DACH1: variants seen among roughly 807,000 people sequenced by gnomAD.
DACH1 encodes the protein dachshund family transcription factor 1.
In DACH1, 12 loss-of-function variants were observed where a neutral mutation model predicts 54.2. The ratio of observed to expected loss-of-function variants is 0.22; its 90% confidence interval spans 0.14 to 0.36. The LOEUF (loss-of-function observed/expected upper bound fraction) is 0.36, where lower values mean the gene tolerates loss of function less well. DACH1 is among the 10% of genes least tolerant of loss of function. The pLI, the probability that DACH1 is intolerant of heterozygous loss-of-function variation, is 1.00. For synonymous variants in DACH1, 386 were observed against 366.2 expected (o/e 1.05, Z -0.62); for missense variants, 805 against 929.8 (o/e 0.87, Z 1.75).
At chr13:71,475,422 G>A (rs951937907) in intron 9 of DACH1, among the ~76,000 whole-genome samples, 2 of 152,020 alleles carry the variant, frequency 1.3e-5, no homozygotes, top group African/African-American at 4.8e-5. Context: ...GATGGGGTTC[G>A]GAAATTCTCA....
chr13:71,856,992 A>G (rs1874044006), intron 1 of DACH1, among the ~76,000 whole-genome samples: 1 of 151,860 alleles, frequency 6.6e-6, no homozygotes, highest in Non-Finnish European at 1.5e-5. Flanking sequence ...CTGATTCTAA[A>G]GGATATGCTG....
At chr13:71,790,990 G>A (rs1429557865) in intron 1 of DACH1, among the ~76,000 whole-genome samples, 2 of 152,092 alleles carry the variant, frequency 1.3e-5, no homozygotes, top group Non-Finnish European at 2.9e-5. Flanking sequence ...CAAATTATTA[G>A]GTCTTCAAAT....
At chr13:71,758,044 A>T (rs1885241085) in intron 1 of DACH1, among the ~76,000 whole-genome samples, 1 of 152,152 alleles carries the variant, frequency 6.6e-6, no homozygotes, top group Non-Finnish European at 1.5e-5. Flanking sequence ...AACCAATATG[A>T]TAATTTCAAA....
At chr13:71,846,511 A>C (rs1295804978) in intron 1 of DACH1, among the ~76,000 whole-genome samples, 2 of 152,118 alleles carry the variant, frequency 1.3e-5, no homozygotes, top group East Asian at 1.9e-4. Context: ...TCGTGGTGAC[A>C]CACACCTACT....
intron 8 of DACH1, 30 bp from the exon 9 acceptor site, chr13:71,475,879 A>G (rs540499869): frequency 7.0e-7 from 1 of 1,436,786 alleles, no homozygotes. Context: ...TATTATTATT[A>G]TTATTTTTAA....
At chr13:71,571,376 T>C (rs2138411348) in intron 4 of DACH1, among the ~76,000 whole-genome samples, 1 of 152,322 alleles carries the variant, frequency 6.6e-6, no homozygotes. Flanking sequence ...ATCAGAGTGC[T>C]GAATTCTCAA....
chr13:71,583,965 T>A (rs1195482786), intron 3 of DACH1, among the ~76,000 whole-genome samples: 1 of 152,186 alleles, frequency 6.6e-6, no homozygotes, highest in Non-Finnish European at 1.5e-5. Context: ...TCTCAAACTG[T>A]CTTAAATAAT....
chr13:71,654,659 G>A (rs1459127323), intron 2 of DACH1, among the ~76,000 whole-genome samples: 1 of 151,952 alleles, frequency 6.6e-6, no homozygotes, highest in Non-Finnish European at 1.5e-5. Flanking sequence ...CGAGTACATG[G>A]AAATGTGTTG....
At chr13:71,639,456 C>G (rs1017356926) in intron 2 of DACH1, among the ~76,000 whole-genome samples, 11 of 151,982 alleles carry the variant, frequency 7.2e-5, no homozygotes, top group African/African-American at 2.7e-4. Context: ...ACTCCCTATA[C>G]CAGTTTTGAG....
intron 10 of DACH1, chr13:71,464,872 G>C (rs1876426462): frequency 6.0e-6 from 2 of 333,090 alleles, no homozygotes; most frequent in Non-Finnish European, 1.1e-5. Context: ...CCCAGAAACA[G>C]GGAAACTGGA....
intron 2 of DACH1, among the ~76,000 whole-genome samples, chr13:71,650,057 T>A (rs771995214): frequency 2.6e-5 from 4 of 152,178 alleles, no homozygotes; most frequent in African/African-American, 7.2e-5. Flanking sequence ...AAAGTCTCTT[T>A]AAACGCATAT....
At chr13:71,562,999 G>C (rs539090977) in intron 4 of DACH1, among the ~76,000 whole-genome samples, 7 of 152,080 alleles carry the variant, frequency 4.6e-5, no homozygotes, top group African/African-American at 1.7e-4. Context: ...CAATACTGCA[G>C]CTAACTGCAT....
At chr13:71,805,760 G>T (rs2138136939) in intron 1 of DACH1, among the ~76,000 whole-genome samples, 1 of 152,222 alleles carries the variant, frequency 6.6e-6, no homozygotes, top group Admixed American at 6.5e-5. Context: ...ACAAAGCACA[G>T]CTTTTATATT....
At chr13:71,700,411 CCGGGGGTGGTGACG>C (rs1289974088) in intron 1 of DACH1, among the ~76,000 whole-genome samples, 1 of 151,700 alleles carries the variant, frequency 6.6e-6, no homozygotes, top group African/African-American at 2.4e-5. Context: ...CAAAAATTAG[CCGGGGGTGGTGACG>C]CACGGCTGTA....
chr13:71,786,683 CTAT>C (rs1471358848), intron 1 of DACH1, among the ~76,000 whole-genome samples: 2 of 151,952 alleles, frequency 1.3e-5, no homozygotes, highest in African/African-American at 4.8e-5. Flanking sequence ...TGTTTACTGG[CTAT>C]TATTAAGTCC....
chr13:71,529,026 G>C (rs1213514556), intron 6 of DACH1, among the ~76,000 whole-genome samples: 1 of 151,982 alleles, frequency 6.6e-6, no homozygotes, highest in Non-Finnish European at 1.5e-5. Context: ...ATTGATAACA[G>C]ATAATAGAAA....
chr13:71,817,020 A>G (rs769875838), intron 1 of DACH1, among the ~76,000 whole-genome samples: 10 of 152,144 alleles, frequency 6.6e-5, no homozygotes, highest in Non-Finnish European at 1.3e-4. Flanking sequence ...ACACAAGTTT[A>G]CCTGTGTAGG....
chr13:71,540,957 T>C (rs1340687075), intron 6 of DACH1, among the ~76,000 whole-genome samples: 1 of 151,924 alleles, frequency 6.6e-6, no homozygotes, highest in Non-Finnish European at 1.5e-5. Flanking sequence ...CCTATTAATA[T>C]GCCTATTATA....
In DACH1 at chr13:71,439,584, G is replaced by A. The variant is rs1052644977; in HGVS notation, c.*1071C>T. Reference sequence around the variant, plus strand: ...GTTCAGCCACAATCCATTCCCAATAGTGCAGCTTGGGGCACTAGCTAGGGT... The same window carrying A: ...GTTCAGCCACAATCCATTCCCAATAATGCAGCTTGGGGCACTAGCTAGGGT... On this transcript the variant is annotated 3_prime_UTR_variant, in exon 11 of 11. Coordinates refer to ENST00000613252, the MANE Select transcript of DACH1 (RefSeq NM_080759.6). The A allele has an allele frequency of 6.6e-6, 1 of 152,424 alleles. No individual in the cohort carries two copies. Among genetic ancestry groups the A allele is most frequent in the African/African-American group, 2.4e-5 (1 of 41,434 alleles). 9.4% of individuals were successfully genotyped at this position (152,424 alleles called of 1,614,324 possible). A position where few individuals can be genotyped will look rare whatever the true frequency, so the allele number is the denominator to read the frequency against.
Sources: allele counts gnomAD v4.1 joint callset (sites outside exome capture counted in the v4.1 genomes callset), GRCh38; gene constraint gnomAD v4.1.1; transcripts MANE v1.5; gene names NCBI Gene and HGNC (gene_info 2026-07-23, HGNC 2026-07-21).